RLF: variants seen among roughly 807,000 people sequenced by gnomAD.
RLF encodes zinc finger protein Rlf.
Under a neutral mutation model 162.9 loss-of-function variants are expected in RLF, and 7 were observed. That is an observed-to-expected ratio of 0.04 (90% CI 0.02 to 0.08). RLF has a LOEUF of 0.08. Ranked by LOEUF, RLF falls within the 10% of genes least tolerant of loss-of-function variation. RLF has a pLI of 1.00. For missense variants in RLF, 1,664 were observed against 2,244.7 expected (o/e 0.74, Z 5.23); for synonymous variants, 782 against 791.5 (o/e 0.99, Z 0.20).
At chr1:40,200,875 CA>C (rs1443789823) in intron 4 of RLF, among the ~76,000 whole-genome samples, 4 of 40,022 alleles carry the variant, frequency 1.0e-4, no homozygotes, top group African/African-American at 4.9e-4. Context: ...TCTACACACA[CA>C]CACACACACA....
chr1:40,198,452 G>A (rs572261555), intron 4 of RLF, among the ~76,000 whole-genome samples: 16 of 151,760 alleles, frequency 1.1e-4, no homozygotes, highest in Non-Finnish European at 2.4e-4. Context: ...TTACAGGCAT[G>A]TGCCACCACA....
intron 1 of RLF, among the ~76,000 whole-genome samples, chr1:40,173,347 AT>A (rs1180970499): frequency 6.6e-6 from 1 of 152,016 alleles, no homozygotes; most frequent in Non-Finnish European, 1.5e-5. Flanking sequence ...AAGCTCTGGG[AT>A]TACAGGTATG....
At chr1:40,162,919 G>T (rs1037196766) in intron 1 of RLF, among the ~76,000 whole-genome samples, 1 of 152,158 alleles carries the variant, frequency 6.6e-6, no homozygotes, top group African/African-American at 2.4e-5. Context: ...ATAGGATAGT[G>T]CCAGGGACTT....
chr1:40,169,489 G>T (rs577829921), intron 1 of RLF, among the ~76,000 whole-genome samples: 17 of 150,570 alleles, frequency 1.1e-4, no homozygotes, highest in South Asian at 1.0e-3. Context: ...GGTGGCGGGC[G>T]CCTGTGGTCC....
rs549341072 is a variant in RLF at position 40,237,672 on chromosome 1, G to A, written c.2970G>A (p.Thr990=). Residue 990 remains threonine (T), a synonymous_variant, in exon 8 of 8, where the codon ACG becomes ACA. Coordinates refer to ENST00000372771, the MANE Select transcript of RLF (RefSeq NM_012421.4). The surrounding 1 kb of genome is among the most constrained non-coding windows in gnomAD (Gnocchi z 4.4). Reference sequence around the variant, plus strand: ...ATTTCAAGCCCAAAAAGATAAAGACGAAAGATCTGTTTCCCTCTTTGGGTA... The same window carrying A: ...ATTTCAAGCCCAAAAAGATAAAGACAAAAGATCTGTTTCCCTCTTTGGGTA... The part of the protein sequence containing the change: ...PYHFKPKKIK[T]KDLFPSLGNE... 17 of 1,614,086 alleles carry A rather than the reference G, an allele frequency of 1.1e-5. No individual in the cohort carries two copies. Among genetic ancestry groups the A allele is most frequent in the African/African-American group, 5.3e-5 (4 of 75,030 alleles).
At chr1:40,198,137 G>A (rs567245910) in intron 4 of RLF, among the ~76,000 whole-genome samples, 1 of 151,758 alleles carries the variant, frequency 6.6e-6, no homozygotes, top group Non-Finnish European at 1.5e-5. Context: ...TCGAATAGCT[G>A]GGATTACAGG....
intron 3 of RLF, among the ~76,000 whole-genome samples, chr1:40,192,689 A>G (rs970868992): frequency 6.6e-6 from 1 of 152,202 alleles, no homozygotes; most frequent in Non-Finnish European, 1.5e-5. Context: ...AGGGGTACAA[A>G]TAAATGTTAA....
intron 1 of RLF, among the ~76,000 whole-genome samples, chr1:40,173,302 C>T (rs1323593693): frequency 6.6e-6 from 1 of 151,956 alleles, no homozygotes; most frequent in Non-Finnish European, 1.5e-5. Context: ...TCTTGAACTC[C>T]TGACCTCAGG....
At chr1:40,227,122 AAC>A (rs1364211263) in intron 6 of RLF, among the ~76,000 whole-genome samples, 1 of 152,058 alleles carries the variant, frequency 6.6e-6, no homozygotes, top group Non-Finnish European at 1.5e-5. Flanking sequence ...CACTGGCCAA[AAC>A]ACAGAGTAAT....
In RLF at chr1:40,239,464, C is replaced by A; in HGVS notation, c.4762C>A (p.Leu1588Ile). Residue 1588 changes from leucine (L) to isoleucine (I), a missense_variant, in exon 8 of 8, where the codon CTT (leucine) becomes ATT (isoleucine). By Grantham distance (5) the Leu-to-Ile change is conservative. This residue lies in a region of RLF where 327 missense variants were observed against 342.7 expected (regional missense o/e 0.95). Transcript: ENST00000372771. Reference protein sequence around the residue: ...SAYLEQQMENLVVCVKYGTKI... With the variant: ...SAYLEQQMENIVVCVKYGTKI... ...CTATTTAGAGCAACAGATGGAGAATCTTGTTGTTTGCGTTAAGTACGGTAC... is the reference window on the plus strand; with the variant it reads ...CTATTTAGAGCAACAGATGGAGAATATTGTTGTTTGCGTTAAGTACGGTAC... 1 of 1,613,998 alleles carries A rather than the reference C, an allele frequency of 6.2e-7. No homozygotes were observed.
At chr1:40,174,752 A>G (rs771314535) in intron 1 of RLF, among the ~76,000 whole-genome samples, 2 of 152,224 alleles carry the variant, frequency 1.3e-5, no homozygotes, top group Non-Finnish European at 2.9e-5. Flanking sequence ...CTGATGGATT[A>G]TTATTTGCCC....
rs116463183 is a variant in RLF at position 40,240,529 on chromosome 1, C to T, written c.*82C>T. On this transcript the variant is annotated 3_prime_UTR_variant, in exon 8 of 8. Coordinates refer to ENST00000372771, the MANE Select transcript of RLF (RefSeq NM_012421.4). ...GCCAACTCGAACAAAGGCTGAGAAG[C>T]AGCCACACCGTTGTTTAGGGTAGAA... The T allele has an allele frequency of 3.7e-4, 361 of 970,656 alleles. 3 individuals are homozygous for T. In the African/African-American group the frequency reaches 5.4e-3, roughly 15 times the overall value. 60.1% of individuals were successfully genotyped at this position (970,656 alleles called of 1,614,324 possible). A position where few individuals can be genotyped will look rare whatever the true frequency, so the allele number is the denominator to read the frequency against.
intron 1 of RLF, among the ~76,000 whole-genome samples, chr1:40,187,219 C>T (rs1258163342): frequency 6.6e-6 from 1 of 152,016 alleles, no homozygotes; most frequent in African/African-American, 2.4e-5. Flanking sequence ...TTTTTAGAGA[C>T]GGGGTTTCAC....
intron 7 of RLF, among the ~76,000 whole-genome samples, chr1:40,233,179 C>T (rs766577515): frequency 2.0e-5 from 3 of 152,080 alleles, no homozygotes; most frequent in Non-Finnish European, 4.4e-5. Context: ...CTCTTGATCC[C>T]TCACCTTCCT....
At position 40,239,076 on chromosome 1, in the gene RLF, C is replaced by G; in HGVS notation, c.4374C>G (p.Arg1458=). Residue 1458 remains arginine, a synonymous_variant, in exon 8 of 8, where the codon CGC becomes CGG. Transcript: ENST00000372771. ...GCTGTGGCCAGATTTTCACCCATCG[C>G]AGTAATTACTCACAACATGTATATT... ...LNGCGQIFTH[R]SNYSQHVYYR... 6.2e-6 allele frequency: 10 copies of G among 1,614,154 alleles called. No homozygotes were observed. Among genetic ancestry groups the G allele is most frequent in the Non-Finnish European group, 7.6e-6 (9 of 1,180,022 alleles).
intron 1 of RLF, among the ~76,000 whole-genome samples, chr1:40,163,840 T>C (rs1557734430): frequency 6.6e-6 from 1 of 152,212 alleles, no homozygotes; most frequent in Non-Finnish European, 1.5e-5. Flanking sequence ...ATAGAAAATT[T>C]GTGTACAAGT....
chr1:40,212,211 A>T (rs182716904), intron 5 of RLF, among the ~76,000 whole-genome samples: 1 of 152,286 alleles, frequency 6.6e-6, no homozygotes, highest in African/African-American at 2.4e-5. Flanking sequence ...GTAATGGGAA[A>T]CCGCTGCTGG....
intron 5 of RLF, among the ~76,000 whole-genome samples, chr1:40,211,914 C>G (rs1570548127): frequency 6.6e-6 from 1 of 152,268 alleles, no homozygotes; most frequent in African/African-American, 2.4e-5. Flanking sequence ...AAGGCATGAG[C>G]CATCACGCCC....
intron 1 of RLF, among the ~76,000 whole-genome samples, chr1:40,175,653 AAAT>A (rs933351387): frequency 1.3e-5 from 2 of 151,636 alleles, no homozygotes; most frequent in Admixed American, 6.6e-5. Context: ...CGACTCAAAA[AAAT>A]AATAATAATT....
Sources: gnomAD v4.1 joint callset for allele counts (sites outside exome capture counted in the v4.1 genomes callset) on GRCh38, gnomAD v4.1.1 for gene constraint, gnomAD v4.1.1 regional missense constraint, Gnocchi (gnomAD v3.1) non-coding constraint, MANE v1.5 for transcripts, NCBI Gene and HGNC (gene_info 2026-07-23, HGNC 2026-07-21) for gene names.